UBE3A: variants seen among roughly 807,000 people sequenced by gnomAD.
UBE3A encodes the protein ubiquitin-protein ligase E3A.
In UBE3A, 6 loss-of-function variants were observed where a neutral mutation model predicts 83.4. That is an observed-to-expected ratio of 0.07 (90% CI 0.04 to 0.14). UBE3A has a LOEUF of 0.14. UBE3A is among the 10% of genes least tolerant of loss of function. The probability of loss-of-function intolerance (pLI) is 1.00; values close to 1 mark genes in which losing one functional copy is unlikely to be tolerated. For synonymous variants in UBE3A, 337 were observed against 355.4 expected (o/e 0.95, Z 0.58); for missense variants, 456 against 1,036.1 (o/e 0.44, Z 7.69).
chr15:25,429,307 T>C (rs72697793), intron 1 of UBE3A, among the ~76,000 whole-genome samples: 18,131 of 152,236 alleles, frequency 0.12, 1,155 homozygotes, highest in Middle Eastern at 0.23. Flanking sequence ...ATTATATAAC[T>C]GCATCCTTTC....
chr15:25,398,765 T>TTTTA (rs1444532614), intron 4 of UBE3A, among the ~76,000 whole-genome samples: 75 of 82,712 alleles, frequency 9.1e-4, no homozygotes, highest in Middle Eastern at 6.0e-3. Flanking sequence ...GATTTTATTC[T>TTTTA]TTTATTTATA....
chr15:25,433,846 C>T (rs926649689), intron 1 of UBE3A, among the ~76,000 whole-genome samples: 7 of 152,118 alleles, frequency 4.6e-5, no homozygotes, highest in Middle Eastern at 3.4e-3. Flanking sequence ...GAGGCCAAGC[C>T]GCTTGAGACC....
At position 25,405,061 on chromosome 15, in the gene UBE3A, CTT is replaced by C. The variant is rs772332712; in HGVS notation, c.62+398_62+399del. 6.0e-4 allele frequency among the ~76,000 whole-genome samples: 91 copies of C among 152,308 alleles called. 1 individual carries two copies. Among genetic ancestry groups the C allele is most frequent in the African/African-American group, 2.0e-3 (83 of 41,576 alleles). ...ATTATTTGCTTCTGCATCTTTCACT[CTT>C]GAGTATAATATAAATTTCTGTAGGG... On this transcript the variant is annotated intron_variant, in intron 4 of 12. Transcript: ENST00000648336.
intron 4 of UBE3A, among the ~76,000 whole-genome samples, chr15:25,383,452 C>T (rs2082553168): frequency 1.3e-5 from 2 of 152,198 alleles, no homozygotes; most frequent in African/African-American, 4.8e-5. Flanking sequence ...GCCTGGCCAA[C>T]ACAGTGAAAC....
At chr15:25,353,410 C>T (rs2076792991) in intron 11 of UBE3A, among the ~76,000 whole-genome samples, 1 of 152,110 alleles carries the variant, frequency 6.6e-6, no homozygotes, top group East Asian at 1.9e-4. Flanking sequence ...AATCCATGCA[C>T]GCTCAAGTTC....
At chr15:25,402,637 C>T (rs892001431) in intron 4 of UBE3A, among the ~76,000 whole-genome samples, 4 of 152,116 alleles carry the variant, frequency 2.6e-5, no homozygotes, top group Admixed American at 1.3e-4. Flanking sequence ...TTTACTGGGG[C>T]GAGCTCAATG....
chr15:25,412,730 A>G (rs1158185254), intron 1 of UBE3A, among the ~76,000 whole-genome samples: 1 of 150,168 alleles, frequency 6.7e-6, no homozygotes, highest in Admixed American at 6.6e-5. Flanking sequence ...AGGTTAAGAA[A>G]CCTATCCAGT....
At chr15:25,349,679 A>G (rs2076215583) in intron 11 of UBE3A, among the ~76,000 whole-genome samples, 1 of 152,180 alleles carries the variant, frequency 6.6e-6, no homozygotes, top group Non-Finnish European at 1.5e-5. Context: ...AGCAACCTCA[A>G]CATATGATTT....
intron 4 of UBE3A, among the ~76,000 whole-genome samples, chr15:25,388,429 T>C (rs974027262): frequency 3.3e-5 from 5 of 152,028 alleles, no homozygotes; most frequent in Non-Finnish European, 5.9e-5. Flanking sequence ...CCACTCATGA[T>C]AGAAACTAGT....
At chr15:25,433,231 C>T (rs1213676712) in intron 1 of UBE3A, among the ~76,000 whole-genome samples, 3 of 146,776 alleles carry the variant, frequency 2.0e-5, no homozygotes, top group Admixed American at 6.8e-5. Flanking sequence ...CTCACTCTGT[C>T]GCCAGGCAGT....
intron 4 of UBE3A, among the ~76,000 whole-genome samples, chr15:25,378,757 GA>G (rs541869739): frequency 4.6e-5 from 7 of 151,944 alleles, no homozygotes; most frequent in Non-Finnish European, 5.9e-5. Flanking sequence ...GAATTCTATG[GA>G]AAAAAATCTC....
chr15:25,360,346 T>C (rs199564561), intron 7 of UBE3A, 37 bp downstream of exon 7: 2 of 1,612,282 alleles, frequency 1.2e-6, no homozygotes, highest in South Asian at 2.2e-5. Context: ...ACTCAAAAGA[T>C]GATACGACAC....
intron 1 of UBE3A, among the ~76,000 whole-genome samples, chr15:25,435,948 T>A (rs1186690980): frequency 6.6e-6 from 1 of 152,224 alleles, no homozygotes; most frequent in African/African-American, 2.4e-5. Context: ...TAATACTTAT[T>A]GAGTGCCTAC....
intron 6 of UBE3A, among the ~76,000 whole-genome samples, chr15:25,361,160 CTG>C (rs1566915296): frequency 2.1e-5 from 3 of 143,338 alleles, no homozygotes; most frequent in Non-Finnish European, 4.5e-5. Flanking sequence ...AAATCTCACT[CTG>C]TCGCCTAGGC....
At chr15:25,407,300 G>A (rs1040602858) in intron 3 of UBE3A, 6 of 1,035,026 alleles carry the variant, frequency 5.8e-6, no homozygotes, top group African/African-American at 1.7e-5. Flanking sequence ...TTTCAAACAC[G>A]TAGGCAGCAA....
chr15:25,350,899 G>A (rs2076401097), intron 11 of UBE3A, among the ~76,000 whole-genome samples: 2 of 152,202 alleles, frequency 1.3e-5, no homozygotes, highest in Admixed American at 6.5e-5. Context: ...GTTATTGTCT[G>A]TTCTAATGGG....
intron 4 of UBE3A, among the ~76,000 whole-genome samples, chr15:25,404,767 A>G (rs2088064035): frequency 6.6e-6 from 1 of 152,110 alleles, no homozygotes; most frequent in East Asian, 1.9e-4. Context: ...CCTACCTCTC[A>G]GCTAGTTTAT....
chr15:25,408,697 A>G lies in UBE3A; in HGVS notation c.20+391T>C, dbSNP rs1406774575. On this transcript the variant is annotated intron_variant, in intron 3 of 12. Transcript: ENST00000648336. ...CCACTGTAACTCTCTAGGAGAGAAA[A>G]GTATACTAGTTTTATTAATGTTATA... The G allele has an allele frequency of 3.2e-6, 5 of 1,585,424 alleles. No individual in the cohort carries two copies. In the African/African-American group the frequency reaches 4.1e-5, roughly 13 times the overall value.
Position 25,382,396 on chromosome 15 carries a change from T to TAA in UBE3A, c.63-6635_63-6634dup, listed in dbSNP as rs111917526. On this transcript the variant is annotated intron_variant, in intron 4 of 12. Transcript: ENST00000648336. ...AATATCCAGAATGCGTGATATATGA[T>TAA]AAAAAAAAAAGTAAAATTGTAGAAC... Among the ~76,000 whole-genome samples, 415 of 147,332 alleles carry TAA rather than the reference T, an allele frequency of 2.8e-3. 1 individual carries two copies. Among genetic ancestry groups the TAA allele is most frequent in the Non-Finnish European group, 4.6e-3 (305 of 66,438 alleles).
Sources: gnomAD v4.1 joint callset for allele counts (sites outside exome capture counted in the v4.1 genomes callset) on GRCh38, gnomAD v4.1.1 for gene constraint, MANE v1.5 for transcripts, NCBI Gene and HGNC (gene_info 2026-07-23, HGNC 2026-07-21) for gene names.